Variants in XKR9 observed in about 807,000 individuals in gnomAD.
The protein encoded by XKR9 is XK-related protein 9.
Under a neutral mutation model 32.0 loss-of-function variants are expected in XKR9, and 32 were observed. That is an observed-to-expected ratio of 1.00 (90% CI 0.76 to 1.34). The LOEUF is 1.34. XKR9 is among the 40% of genes most tolerant of loss of function. The pLI is 0.00. For synonymous variants in XKR9, 168 were observed against 143.4 expected (o/e 1.17, Z -1.22); for missense variants, 546 against 429.7 (o/e 1.27, Z -2.39).
the XKR9 span, among the ~76,000 whole-genome samples, chr8:70,933,473 A>C: frequency 6.6e-6 from 1 of 151,740 alleles, no homozygotes; most frequent in Non-Finnish European, 1.5e-5. Context: ...TAACGTACAT[A>C]GAAGTTAGAT....
In XKR9 at chr8:70,735,906, T is replaced by C. The variant is rs1370261097; in HGVS notation, c.*1482T>C. The C allele has an allele frequency of 6.6e-6, 1 of 151,952 alleles. No homozygotes were observed. The highest frequency in any genetic ancestry group is 2.4e-5 in the African/African-American group (1 of 41,336). 9.4% of individuals were successfully genotyped at this position (151,952 alleles called of 1,614,324 possible). On this transcript the variant is annotated 3_prime_UTR_variant, in exon 5 of 5. Coordinates refer to ENST00000408926, the MANE Select transcript of XKR9 (RefSeq NM_001011720.2). The stretch of plus-strand genomic sequence containing the variant: ...GGTTCCAAGTCTTTGCTATTGTGAA[T>C]AGTGCTGCAATAAACATACGTGTGC...
the XKR9 span, among the ~76,000 whole-genome samples, chr8:70,876,276 C>T: frequency 7.3e-6 from 1 of 137,546 alleles, no homozygotes; most frequent in Non-Finnish European, 1.5e-5. Flanking sequence ...GGCTGGAGGG[C>T]AGTGGTGTGA....
At chr8:70,942,888 T>A in the XKR9 span, among the ~76,000 whole-genome samples, 1 of 152,144 alleles carries the variant, frequency 6.6e-6, no homozygotes, top group East Asian at 1.9e-4. Context: ...ACCTACTTTT[T>A]CTATTATGTC....
At chr8:70,877,631 G>A in the XKR9 span, among the ~76,000 whole-genome samples, 5 of 152,122 alleles carry the variant, frequency 3.3e-5, no homozygotes, top group Non-Finnish European at 4.4e-5. Flanking sequence ...AAAAAGAAAC[G>A]AACAAAGCTT....
chr8:70,896,724 C>T, the XKR9 span, among the ~76,000 whole-genome samples: 1 of 151,008 alleles, frequency 6.6e-6, no homozygotes, highest in East Asian at 1.9e-4. Flanking sequence ...TTATATTGTT[C>T]TTTTTTTACT....
chr8:70,769,189 G>A (rs1807419339), intron 2 of XKR9, among the ~76,000 whole-genome samples: 1 of 150,580 alleles, frequency 6.6e-6, no homozygotes, highest in Admixed American at 6.6e-5. Context: ...CACTTCTGAA[G>A]CTTATTTTGG....
chr8:70,853,813 T>C, the XKR9 span, among the ~76,000 whole-genome samples: 491 of 152,256 alleles, frequency 3.2e-3, 11 homozygotes, highest in East Asian at 0.058. Flanking sequence ...TTGCTGAGAA[T>C]GATGGTTTCC....
the XKR9 span, among the ~76,000 whole-genome samples, chr8:70,811,480 C>A: frequency 6.6e-6 from 1 of 151,956 alleles, no homozygotes; most frequent in African/African-American, 2.4e-5. Flanking sequence ...AAAAACCATT[C>A]AAAAAATTAA....
intron 2 of XKR9, among the ~76,000 whole-genome samples, chr8:70,754,565 A>AGT (rs1281147150): frequency 6.7e-6 from 1 of 148,866 alleles, no homozygotes; most frequent in African/African-American, 2.4e-5. Context: ...ACCAAAACAG[A>AGT]TATAGATCAG....
In XKR9 at chr8:70,681,438, TG is replaced by T. The variant is rs1819081216; in HGVS notation, c.272+109del. The T allele has an allele frequency of 1.5e-5, 20 of 1,335,286 alleles. No homozygotes were observed. The East Asian group carries it at 4.4e-4, about 29-fold the overall frequency. The allele number at this position is 1,335,286 out of a possible 1,614,324, so 82.7% of individuals were successfully genotyped here. A position where few individuals can be genotyped will look rare whatever the true frequency, so the allele number is the denominator to read the frequency against. ...AATGTACAAAGATCCCTTATTTGCA[TG>T]AAGCACAAAGGTTACTTGCTCCTCA... On this transcript the variant is annotated intron_variant, in intron 3 of 4. Transcript: ENST00000408926.
At chr8:70,717,004 A>G (rs1422971063) in intron 4 of XKR9, among the ~76,000 whole-genome samples, 1 of 152,226 alleles carries the variant, frequency 6.6e-6, no homozygotes, top group Non-Finnish European at 1.5e-5. Context: ...AATGCAGTGG[A>G]GCAGTCAAAT....
downstream of XKR9, among the ~76,000 whole-genome samples, chr8:70,737,896 T>A (rs1444282928): frequency 1.7e-5 from 2 of 118,950 alleles, no homozygotes; most frequent in South Asian, 2.4e-4. Flanking sequence ...GATTTTTGCA[T>A]CAATGTTCAT....
chr8:70,844,799 G>C, the XKR9 span, among the ~76,000 whole-genome samples: 1 of 152,196 alleles, frequency 6.6e-6, no homozygotes, highest in African/African-American at 2.4e-5. Flanking sequence ...GGCCTGCCTA[G>C]CCCATTGCAG....
the XKR9 span, among the ~76,000 whole-genome samples, chr8:71,019,924 TA>T: frequency 6.6e-6 from 1 of 152,212 alleles, no homozygotes; most frequent in African/African-American, 2.4e-5. Context: ...TCATATAAAA[TA>T]CTGACATACC....
the XKR9 span, among the ~76,000 whole-genome samples, chr8:70,809,297 G>T: frequency 5.3e-5 from 8 of 152,054 alleles, no homozygotes; most frequent in Non-Finnish European, 7.4e-5. Context: ...TCATCCGTAC[G>T]TCACCATCAT....
the XKR9 span, among the ~76,000 whole-genome samples, chr8:71,017,746 A>G: frequency 6.6e-6 from 1 of 152,152 alleles, no homozygotes; most frequent in Non-Finnish European, 1.5e-5. Context: ...GAGCTCGGGT[A>G]CTCCCAAGGT....
At chr8:70,847,850 G>A in the XKR9 span, among the ~76,000 whole-genome samples, 2 of 151,888 alleles carry the variant, frequency 1.3e-5, no homozygotes, top group African/African-American at 2.4e-5. Flanking sequence ...ACAAAGAAAA[G>A]CCCTGGACTT....
At chr8:70,742,885 A>AT (rs957915768) in intron 2 of XKR9, among the ~76,000 whole-genome samples, 22 of 151,454 alleles carry the variant, frequency 1.5e-4, no homozygotes, top group African/African-American at 4.4e-4. Context: ...TGTGTATAGT[A>AT]TTTTTTTTCT....
At chr8:70,944,825 A>C in the XKR9 span, among the ~76,000 whole-genome samples, 2 of 152,224 alleles carry the variant, frequency 1.3e-5, no homozygotes, top group Non-Finnish European at 2.9e-5. Context: ...AAGCATATAC[A>C]CAAAAATCAC....
Sources: allele counts gnomAD v4.1 joint callset (sites outside exome capture counted in the v4.1 genomes callset), GRCh38; gene constraint gnomAD v4.1.1; transcripts MANE v1.5; gene names NCBI Gene and HGNC (gene_info 2026-07-23, HGNC 2026-07-21).